The following ARFGEF3 variants were observed in gnomAD, a reference collection of about 807,000 sequenced individuals.
ARFGEF3 encodes the protein brefeldin A-inhibited guanine nucleotide-exchange protein 3.
Under a neutral mutation model 221.7 loss-of-function variants are expected in ARFGEF3, and 96 were observed. That is an observed-to-expected ratio of 0.43 (90% confidence interval 0.37 to 0.51). The LOEUF is 0.51. Ranked by LOEUF, ARFGEF3 falls within the 20% of genes least tolerant of loss-of-function variation. The probability of loss-of-function intolerance (pLI) is 0.00; values close to 1 mark genes in which losing one functional copy is unlikely to be tolerated. For missense variants in ARFGEF3, 2,410 were observed against 2,789.9 expected (o/e 0.86, Z 3.07); for synonymous variants, 1,145 against 1,126.8 (o/e 1.02, Z -0.32).
intron 12 of ARFGEF3, among the ~76,000 whole-genome samples, chr6:138,275,055 T>C (rs1460067393): frequency 6.6e-6 from 1 of 151,094 alleles, no homozygotes; most frequent in Non-Finnish European, 1.5e-5. Flanking sequence ...TGCAGTGAGC[T>C]GAGATTGTGC....
At chr6:138,331,297 C>A (rs950426704) in intron 32 of ARFGEF3, among the ~76,000 whole-genome samples, 1 of 152,252 alleles carries the variant, frequency 6.6e-6, no homozygotes, top group African/African-American at 2.4e-5. Context: ...CCACTGCCCA[C>A]TGAGTCAAAG....
chr6:138,334,733 G>A lies in ARFGEF3; in HGVS notation c.5887G>A (p.Glu1963Lys). 5 of 1,609,360 alleles carry A rather than the reference G, an allele frequency of 3.1e-6. No homozygotes were observed. The highest frequency in any genetic ancestry group is 1.3e-5 in the African/African-American group (1 of 74,876). The change falls in exon 33 of 34, where the codon GAG becomes AAG. Residue 1963 changes from glutamate (E) to lysine (K), a missense_variant. Glu to Lys is a moderately conservative substitution (Grantham distance 56, BLOSUM62 1). This residue lies in a region of ARFGEF3 where 339 missense variants were observed against 334.9 expected (regional missense o/e 1.01). Transcript: ENST00000251691. The surrounding 1 kb of genome is among the most constrained non-coding windows in gnomAD (Gnocchi z 5.1). ...GGFSGKETPS[E>K]DDRSQSREHM... ...CTTCTCTGGGAAAGAAACCCCTTCC[G>A]AGGATGACAGAAGCCAGTCCCGGGA...
chr6:138,267,847 A>G (rs914299205), intron 12 of ARFGEF3, among the ~76,000 whole-genome samples: 1 of 152,250 alleles, frequency 6.6e-6, no homozygotes, highest in Non-Finnish European at 1.5e-5. Context: ...TAAACGTAAA[A>G]ATCAATACAT....
At chr6:138,285,508 CTA>C (rs1379075079) in intron 14 of ARFGEF3, among the ~76,000 whole-genome samples, 1 of 151,774 alleles carries the variant, frequency 6.6e-6, no homozygotes, top group African/African-American at 2.4e-5. Flanking sequence ...TGCAATCTGA[CTA>C]TGTGATGATC....
intron 4 of ARFGEF3, among the ~76,000 whole-genome samples, chr6:138,227,808 AAGG>A (rs1327193241): frequency 6.6e-6 from 1 of 152,178 alleles, no homozygotes; most frequent in African/African-American, 2.4e-5. Flanking sequence ...TAAATGAAAC[AAGG>A]AGATGTGATA....
chr6:138,336,645 T>C lies in ARFGEF3; in HGVS notation c.*159T>C, dbSNP rs1583074300. On this transcript the variant is annotated 3_prime_UTR_variant, in exon 34 of 34. Coordinates refer to ENST00000251691, the MANE Select transcript of ARFGEF3 (RefSeq NM_020340.5). The stretch of plus-strand genomic sequence containing the variant: ...TGTAAAAAGCCTTTCCAACCACTGA[T>C]CAGCATTGGGGCCATACTAAGGTTT... 7.3e-6 allele frequency: 4 copies of C among 550,556 alleles called. No homozygotes were observed. The highest frequency in any genetic ancestry group is 3.9e-5 in the African/African-American group (2 of 51,640). 34.1% of individuals were successfully genotyped at this position (550,556 alleles called of 1,614,324 possible). A position where few individuals can be genotyped will look rare whatever the true frequency, so the allele number is the denominator to read the frequency against.
At chr6:138,284,002 A>G (rs1436373943) in intron 14 of ARFGEF3, among the ~76,000 whole-genome samples, 3 of 152,166 alleles carry the variant, frequency 2.0e-5, no homozygotes, top group Non-Finnish European at 2.9e-5. Context: ...GTGAAGTCCT[A>G]AACTCGGAAT....
At chr6:138,260,455 T>G (rs1311418943) in intron 10 of ARFGEF3, among the ~76,000 whole-genome samples, 2 of 152,200 alleles carry the variant, frequency 1.3e-5, no homozygotes, top group Non-Finnish European at 2.9e-5. Context: ...TTCTATAGAC[T>G]TCTACCGTAT....
rs550501796 is a variant in ARFGEF3, at chr6:138,295,761, A to C, written c.3503-1049A>C. On this transcript the variant is annotated intron_variant, in intron 20 of 33. Coordinates refer to ENST00000251691, the MANE Select transcript of ARFGEF3 (RefSeq NM_020340.5). ...TACAGGTTGAGTATCCCTAATCCAAAAATCCAAAATCCAAAACTTTTTAAG... is the reference window on the plus strand; with the variant it reads ...TACAGGTTGAGTATCCCTAATCCAACAATCCAAAATCCAAAACTTTTTAAG... Among the ~76,000 whole-genome samples the C allele has an allele frequency of 4.3e-4, 65 of 152,342 alleles. 1 individual carries two copies. Among genetic ancestry groups the C allele is most frequent in the African/African-American group, 1.4e-3 (57 of 41,576 alleles).
chr6:138,238,125 A>G (rs954045790), intron 5 of ARFGEF3, among the ~76,000 whole-genome samples: 1 of 152,170 alleles, frequency 6.6e-6, no homozygotes, highest in Admixed American at 6.5e-5. Context: ...CCCTTTTCCC[A>G]CACTGCACAA....
Position 138,255,599 on chromosome 6 carries a change from C to T in ARFGEF3, c.934C>T (p.Pro312Ser), listed in dbSNP as rs1778661426. The change falls in exon 10 of 34, where the codon CCG becomes TCG. Residue 312 changes from proline to serine, a missense_variant. Transcript: ENST00000251691. ...AGGATCAGGCTGCTCCTGCACTGCG[C>T]CGGCCCTGAGCGGACCTGTGGCTCG... ...GRGSGCSCTA[P>S]ALSGPVARTI... is the part of the protein sequence containing the mutation. The T allele has an allele frequency of 6.2e-7, 1 of 1,613,892 alleles. No individual in the cohort carries two copies. Among genetic ancestry groups the T allele is most frequent in the Admixed American group, 1.7e-5 (1 of 60,006 alleles).
Position 138,261,531 on chromosome 6 carries a change from T to C in ARFGEF3, c.1109T>C (p.Leu370Pro). 3 of 1,557,062 alleles carry C rather than the reference T, an allele frequency of 1.9e-6. No homozygotes were observed. The highest frequency in any genetic ancestry group is 2.6e-6 in the Non-Finnish European group (3 of 1,149,394). The part of the protein sequence containing the change: ...VEAIKIMKEI[L>P]GSPQRLCDLA... ...TCTTTTACCTTTTTCTTTAAGATAC[T>C]TGGGAGCCCACAGCGTCTCTGTGAC... The change falls in exon 11 of 34, where the codon CTT (leucine) becomes CCT (proline). Residue 370 changes from leucine (L) to proline (P), a missense_variant. This residue lies in a region of ARFGEF3 where 570 missense variants were observed against 586.9 expected (regional missense o/e 0.97). Transcript: ENST00000251691.
chr6:138,326,209 T>G (rs1362041814), intron 31 of ARFGEF3, among the ~76,000 whole-genome samples: 1 of 152,116 alleles, frequency 6.6e-6, no homozygotes, highest in Non-Finnish European at 1.5e-5. Flanking sequence ...CAAATTTTCC[T>G]TATGTATTCA....
At chr6:138,245,366 C>G (rs887596283) in intron 7 of ARFGEF3, 147 bp from the exon 8 acceptor site, 2 of 636,288 alleles carry the variant, frequency 3.1e-6, no homozygotes, top group East Asian at 2.7e-5. Flanking sequence ...GTGATCATCA[C>G]TTTGGTGGCC....
At chr6:138,195,107 A>G (rs1562349151) in intron 2 of ARFGEF3, among the ~76,000 whole-genome samples, 1 of 141,346 alleles carries the variant, frequency 7.1e-6, no homozygotes, top group Non-Finnish European at 1.5e-5. Flanking sequence ...GGTTCAAGCG[A>G]TGTTTCTGCC....
chr6:138,175,424 G>T (rs548389822), intron 2 of ARFGEF3, among the ~76,000 whole-genome samples: 1 of 152,064 alleles, frequency 6.6e-6, no homozygotes, highest in Non-Finnish European at 1.5e-5. Flanking sequence ...ATGCATCTTT[G>T]CAGGGTTGAA....
At chr6:138,275,437 T>G (rs2114611765) in intron 12 of ARFGEF3, among the ~76,000 whole-genome samples, 1 of 152,216 alleles carries the variant, frequency 6.6e-6, no homozygotes, top group Middle Eastern at 3.4e-3. Flanking sequence ...CCACATCTTC[T>G]TACTTACCTA....
At chr6:138,316,670 C>G (rs1175597402) in intron 26 of ARFGEF3, among the ~76,000 whole-genome samples, 1 of 151,374 alleles carries the variant, frequency 6.6e-6, no homozygotes, top group Non-Finnish European at 1.5e-5. Flanking sequence ...CACTATCACA[C>G]CCAAAATCAA....
chr6:138,313,419 C>A (rs1485820931), intron 25 of ARFGEF3, among the ~76,000 whole-genome samples: 1 of 152,184 alleles, frequency 6.6e-6, no homozygotes, highest in African/African-American at 2.4e-5. Flanking sequence ...ATCTCATTTG[C>A]CTGTGGACTG....
Sources: allele counts gnomAD v4.1 joint callset (sites outside exome capture counted in the v4.1 genomes callset), GRCh38; gene constraint gnomAD v4.1.1; regional missense constraint gnomAD v4.1.1; non-coding constraint Gnocchi (gnomAD v3.1); transcripts MANE v1.5; gene names NCBI Gene and HGNC (gene_info 2026-07-23, HGNC 2026-07-21).